Variants in GLI2 observed in about 807,000 individuals in gnomAD.
The protein encoded by GLI2 is transcription activator GLI2.
In GLI2, 22 loss-of-function variants were observed where a neutral mutation model predicts 78.9. The observed-to-expected ratio is 0.28, with a 90% CI of 0.20 to 0.40. The LOEUF (loss-of-function observed/expected upper bound fraction) is 0.40, where lower values mean the gene tolerates loss of function less well. GLI2 is among the 10% of genes least tolerant of loss of function. The pLI is 1.00. For missense variants in GLI2, 2,097 were observed against 2,213.2 expected (o/e 0.95, Z 1.05); for synonymous variants, 974 against 963.7 (o/e 1.01, Z -0.20).
At chr2:120,951,564 C>T (rs981350702) in intron 4 of GLI2, 119 bp downstream of exon 4, 1 of 659,486 alleles carries the variant, frequency 1.5e-6, no homozygotes, top group African/African-American at 1.8e-5. Context: ...GGTGACCAGG[C>T]TGGCTGGCGT....
chr2:120,787,531 T>G (rs909581389), intron 1 of GLI2, among the ~76,000 whole-genome samples: 15 of 152,140 alleles, frequency 9.9e-5, no homozygotes, highest in Admixed American at 3.9e-4. Flanking sequence ...GCTGCCACCC[T>G]GGGCCCCTGA....
At chr2:120,809,871 A>G (rs1372092386) in intron 2 of GLI2, among the ~76,000 whole-genome samples, 1 of 152,152 alleles carries the variant, frequency 6.6e-6, no homozygotes, top group East Asian at 1.9e-4. Flanking sequence ...ACCAGCCTCC[A>G]GCTAACTTCC....
intron 2 of GLI2, among the ~76,000 whole-genome samples, chr2:120,899,058 G>A (rs886276346): frequency 2.0e-4 from 30 of 152,224 alleles, no homozygotes; most frequent in South Asian, 1.2e-3. Flanking sequence ...ACGCATTTAC[G>A]CCTCTCTCCA....
chr2:120,972,839 CT>C (rs564504429), intron 8 of GLI2, among the ~76,000 whole-genome samples: 23 of 152,294 alleles, frequency 1.5e-4, no homozygotes, highest in Admixed American at 3.3e-4. Context: ...TGTGCTGATC[CT>C]TTTGGAAACT....
intron 2 of GLI2, among the ~76,000 whole-genome samples, chr2:120,902,403 A>C (rs1399010305): frequency 6.6e-6 from 1 of 152,172 alleles, no homozygotes; most frequent in African/African-American, 2.4e-5. Flanking sequence ...GTATCTTTGC[A>C]GTACTCATCG....
intron 2 of GLI2, among the ~76,000 whole-genome samples, chr2:120,845,432 C>G (rs934608444): frequency 6.6e-6 from 1 of 152,226 alleles, no homozygotes; most frequent in Non-Finnish European, 1.5e-5. Context: ...CTAGATCAGT[C>G]CTGGTTCAGC....
At chr2:120,958,608 C>T (rs193295782) in intron 5 of GLI2, among the ~76,000 whole-genome samples, 8 of 152,272 alleles carry the variant, frequency 5.3e-5, no homozygotes, top group African/African-American at 1.7e-4. Flanking sequence ...AGGATAAAAT[C>T]CAGACTTTAG....
chr2:120,983,011 T>A (rs1682788081), intron 11 of GLI2, 131 bp downstream of exon 11: 2 of 765,852 alleles, frequency 2.6e-6, no homozygotes, highest in Non-Finnish European at 4.3e-6. Context: ...CAGCTATACA[T>A]CCTCAGATAC....
At chr2:120,964,618 C>G (rs1022031930) in intron 5 of GLI2, among the ~76,000 whole-genome samples, 16 of 152,218 alleles carry the variant, frequency 1.1e-4, no homozygotes, top group South Asian at 6.2e-4. Context: ...CGCTTTGCCA[C>G]TGCGCAAGTA....
chr2:120,990,969 GCTT>G lies in GLI2; in HGVS notation c.*299_*301del, dbSNP rs993199285. Reference sequence around the variant, plus strand: ...GTGCTTACAGGACCGCGCTGTTCCGGCTTCTTCACGGCTGACATTCGGCTAACG... The same window carrying G: ...GTGCTTACAGGACCGCGCTGTTCCGGCTTCACGGCTGACATTCGGCTAACG... On this transcript the variant is annotated 3_prime_UTR_variant, in exon 14 of 14. Coordinates refer to ENST00000361492, the MANE Select transcript of GLI2 (RefSeq NM_001374353.1). 6 of 384,482 alleles carry G rather than the reference GCTT, an allele frequency of 1.6e-5. No individual in the cohort carries two copies. The highest frequency in any genetic ancestry group is 1.2e-4 in the African/African-American group (6 of 49,708). The allele number at this position is 384,482 out of a possible 1,614,324, so 23.8% of individuals were successfully genotyped here.
intron 1 of GLI2, among the ~76,000 whole-genome samples, chr2:120,781,611 G>A (rs1004973389): frequency 1.3e-5 from 2 of 151,270 alleles, no homozygotes; most frequent in African/African-American, 4.8e-5. Context: ...GGCCAGGTGC[G>A]GTGGCTTACG....
intron 2 of GLI2, among the ~76,000 whole-genome samples, chr2:120,821,862 G>A (rs967647527): frequency 6.6e-6 from 1 of 152,170 alleles, no homozygotes; most frequent in African/African-American, 2.4e-5. Context: ...CAGTGGGGTG[G>A]GTCACACCGA....
intron 2 of GLI2, among the ~76,000 whole-genome samples, chr2:120,879,892 G>T (rs1292222732): frequency 1.3e-5 from 2 of 152,188 alleles, no homozygotes; most frequent in Non-Finnish European, 2.9e-5. Flanking sequence ...CCAGCCTCTA[G>T]CTGAGCCTCC....
Position 120,972,060 on chromosome 2 carries a change from G to T in GLI2, c.1179G>T (p.Thr393=), listed in dbSNP as rs372217911. ...GLRPASPLAL[T]QEQLADLKED... is the part of the protein sequence containing the mutation. ...GGCCGGCCTCCCCTCTGGCGCTGACGCAGGTAACCTGCTGCCAGCCGCACC... is the reference window on the plus strand; with the variant it reads ...GGCCGGCCTCCCCTCTGGCGCTGACTCAGGTAACCTGCTGCCAGCCGCACC... The change falls in exon 8 of 14, where the codon ACG becomes ACT. Residue 393 remains threonine (T), a synonymous_variant. Transcript: ENST00000361492. 1 of 1,613,058 alleles carries T rather than the reference G, an allele frequency of 6.2e-7. No homozygotes were observed. The highest frequency in any genetic ancestry group is 8.5e-7 in the Non-Finnish European group (1 of 1,179,900).
At chr2:120,801,351 C>A (rs1401328880) in intron 2 of GLI2, among the ~76,000 whole-genome samples, 1 of 152,142 alleles carries the variant, frequency 6.6e-6, no homozygotes, top group Non-Finnish European at 1.5e-5. Flanking sequence ...GTTAGCCAGG[C>A]TGGTCTCGAA....
intron 1 of GLI2, among the ~76,000 whole-genome samples, chr2:120,745,888 T>C (rs1410624697): frequency 1.3e-5 from 2 of 152,188 alleles, no homozygotes; most frequent in African/African-American, 2.4e-5. Flanking sequence ...CAGGCAGATA[T>C]GTACAGTAGA....
chr2:120,837,769 T>C (rs1481414294), intron 2 of GLI2, among the ~76,000 whole-genome samples: 1 of 152,236 alleles, frequency 6.6e-6, no homozygotes, highest in Non-Finnish European at 1.5e-5. Flanking sequence ...TTAATGATTT[T>C]TTTAAATGCA....
At position 120,988,733 on chromosome 2, in the gene GLI2, G is replaced by T; in HGVS notation, c.2768G>T (p.Gly923Val). Reference protein sequence around the residue: ...GCPRPLGPRRGSDGPTYGHGH... With the variant: ...GCPRPLGPRRVSDGPTYGHGH... ...CCACGCCCACTGGGGCCGCGGCGTG[G>T]CAGCGACGGGCCGACCTATGGCCAC... The change falls in exon 14 of 14, where the codon GGC (glycine) becomes GTC (valine). Residue 923 changes from glycine (G) to valine (V), a missense_variant. Gly to Val is a moderately radical substitution (Grantham distance 109, BLOSUM62 -3). Around this residue, in one of 5 missense-constraint regions of GLI2, gnomAD observed 1,290 missense variants for 1,261.7 expected, o/e 1.02. Coordinates refer to ENST00000361492, the MANE Select transcript of GLI2 (RefSeq NM_001374353.1). 1 of 1,195,690 alleles carries T rather than the reference G, an allele frequency of 8.4e-7. No homozygotes were observed. The highest frequency in any genetic ancestry group is 2.6e-5 in the South Asian group (1 of 37,898). 74.1% of individuals were successfully genotyped at this position (1,195,690 alleles called of 1,614,324 possible).
At chr2:120,875,496 G>A (rs1394170982) in intron 2 of GLI2, among the ~76,000 whole-genome samples, 1 of 152,226 alleles carries the variant, frequency 6.6e-6, no homozygotes, top group East Asian at 1.9e-4. Flanking sequence ...GGTCTTGGAA[G>A]GATTTGCAAG....
Sources: allele counts gnomAD v4.1 joint callset (sites outside exome capture counted in the v4.1 genomes callset), GRCh38; gene constraint gnomAD v4.1.1; regional missense constraint gnomAD v4.1.1; transcripts MANE v1.5; gene names NCBI Gene and HGNC (gene_info 2026-07-23, HGNC 2026-07-21).